The following PDSS2 variants were observed in gnomAD, a reference collection of about 807,000 sequenced individuals.
The protein encoded by PDSS2 is decaprenyl diphosphate synthase subunit 2, also known as all trans-polyprenyl-diphosphate synthase PDSS2.
PDSS2 carries 31 observed loss-of-function variants against 44.5 expected under a neutral mutation model. The observed-to-expected ratio is 0.70, with a 90% CI of 0.52 to 0.94. PDSS2 has a LOEUF of 0.94. Among genes scored for constraint, PDSS2 ranks in the 40% least tolerant of loss-of-function variants. PDSS2 has a pLI of 0.00. For missense variants in PDSS2, 452 were observed against 482.2 expected (o/e 0.94, Z 0.59); for synonymous variants, 157 against 180.3 (o/e 0.87, Z 1.03).
chr6:107,215,260 C>T (rs1773373083), intron 4 of PDSS2, among the ~76,000 whole-genome samples: 1 of 152,096 alleles, frequency 6.6e-6, no homozygotes, highest in African/African-American at 2.4e-5. Flanking sequence ...GGTGCAGTGG[C>T]TCACACCTGT....
intron 1 of PDSS2, among the ~76,000 whole-genome samples, chr6:107,353,216 A>G (rs1323158640): frequency 6.6e-6 from 1 of 152,202 alleles, no homozygotes; most frequent in Non-Finnish European, 1.5e-5. Flanking sequence ...TTGAATGTCT[A>G]TACAGACACC....
intron 1 of PDSS2, among the ~76,000 whole-genome samples, chr6:107,453,265 G>A (rs371484250): frequency 9.9e-5 from 15 of 151,950 alleles, no homozygotes; most frequent in East Asian, 9.7e-4. Context: ...GCACCCGGCC[G>A]TGATATTATC....
chr6:107,323,444 G>T (rs1209405921), intron 2 of PDSS2, among the ~76,000 whole-genome samples: 1 of 152,116 alleles, frequency 6.6e-6, no homozygotes, highest in African/African-American at 2.4e-5. Context: ...TAAGCTCCTG[G>T]TTTGAAGCCC....
At position 107,454,341 on chromosome 6, in the gene PDSS2, C is replaced by A. The variant is rs201177518; in HGVS notation, c.296+4649G>T. ...GGGATTGCAGGTGTGAACCACCACA[C>A]CTGGTCTAGACTTCTTTATATCACT... On this transcript the variant is annotated intron_variant, in intron 1 of 7. Transcript: ENST00000369037. Among the ~76,000 whole-genome samples, 26 of 151,990 alleles carry A rather than the reference C, an allele frequency of 1.7e-4. No individual in the cohort carries two copies. The East Asian group carries it at 4.7e-3, about 27-fold the overall frequency.
At chr6:107,457,343 T>C (rs1323863645) in intron 1 of PDSS2, among the ~76,000 whole-genome samples, 1 of 152,238 alleles carries the variant, frequency 6.6e-6, no homozygotes, top group East Asian at 1.9e-4. Flanking sequence ...GTTAGGTGTA[T>C]ATTAGATTTG....
intron 1 of PDSS2, among the ~76,000 whole-genome samples, chr6:107,405,945 G>A (rs1224636110): frequency 6.6e-6 from 1 of 151,968 alleles, no homozygotes; most frequent in East Asian, 1.9e-4. Context: ...CTAGAAATGG[G>A]TACAATGTAA....
At chr6:107,402,269 A>G (rs1370733618) in intron 1 of PDSS2, among the ~76,000 whole-genome samples, 1 of 150,104 alleles carries the variant, frequency 6.7e-6, no homozygotes, top group Non-Finnish European at 1.5e-5. Flanking sequence ...ACAGAGCAAG[A>G]CTCAGTCTCA....
At chr6:107,244,324 A>T (rs1774537917) in intron 4 of PDSS2, among the ~76,000 whole-genome samples, 1 of 152,240 alleles carries the variant, frequency 6.6e-6, no homozygotes, top group Non-Finnish European at 1.5e-5. Context: ...AACACAGGCA[A>T]ATCACTTACT....
intron 2 of PDSS2, among the ~76,000 whole-genome samples, chr6:107,299,041 T>C (rs897138856): frequency 2.8e-5 from 4 of 143,732 alleles, no homozygotes; most frequent in African/African-American, 7.7e-5. Context: ...TTAATACTTA[T>C]GGGGCTGAGG....
At chr6:107,266,878 G>A (rs1775427599) in intron 3 of PDSS2, among the ~76,000 whole-genome samples, 2 of 152,060 alleles carry the variant, frequency 1.3e-5, no homozygotes, top group Non-Finnish European at 2.9e-5. Context: ...TGATTTTGAT[G>A]GGAGTAAAGC....
intron 1 of PDSS2, among the ~76,000 whole-genome samples, chr6:107,396,647 T>A (rs1187134813): frequency 2.0e-5 from 3 of 151,742 alleles, no homozygotes; most frequent in African/African-American, 7.3e-5. Flanking sequence ...CCACAGAGGA[T>A]TTGCCCTTTC....
At chr6:107,363,905 G>A (rs1778869539) in intron 1 of PDSS2, among the ~76,000 whole-genome samples, 1 of 152,106 alleles carries the variant, frequency 6.6e-6, no homozygotes, top group African/African-American at 2.4e-5. Context: ...GTGTCGATTG[G>A]TGCACTCACA....
At chr6:107,239,839 A>G (rs1774358810) in intron 4 of PDSS2, among the ~76,000 whole-genome samples, 1 of 151,808 alleles carries the variant, frequency 6.6e-6, no homozygotes, top group Non-Finnish European at 1.5e-5. Context: ...ACACGGTTTC[A>G]CCATGTTGGC....
chr6:107,424,342 T>C (rs758069264), intron 1 of PDSS2, among the ~76,000 whole-genome samples: 49 of 152,232 alleles, frequency 3.2e-4, no homozygotes, highest in South Asian at 8.3e-4. Context: ...GCCACCACAC[T>C]GGACCTTGTA....
intron 1 of PDSS2, among the ~76,000 whole-genome samples, chr6:107,368,266 CA>C (rs57434839): frequency 0.086 from 5,832 of 67,422 alleles, 243 homozygotes; most frequent in East Asian, 0.24. Flanking sequence ...AGACTCGTCT[CA>C]AAAAAAAAAA....
chr6:107,444,875 A>G (rs1171219449), intron 1 of PDSS2, among the ~76,000 whole-genome samples: 1 of 152,242 alleles, frequency 6.6e-6, no homozygotes, highest in Non-Finnish European at 1.5e-5. Context: ...CAATAGCTGC[A>G]TACTAAATTA....
Position 107,315,748 on chromosome 6 carries a change from T to C in PDSS2, c.431+18450A>G, listed in dbSNP as rs557101525. Reference sequence around the variant, plus strand: ...ATACAGCTTGCCAAGGGAGCCCAGATGAAGAGGACCTAATTGAAATCTTGA... The same window carrying C: ...ATACAGCTTGCCAAGGGAGCCCAGACGAAGAGGACCTAATTGAAATCTTGA... On this transcript the variant is annotated intron_variant, in intron 2 of 7. Transcript: ENST00000369037. Among the ~76,000 whole-genome samples, 45 of 152,272 alleles carry C rather than the reference T, an allele frequency of 3.0e-4. No individual in the cohort carries two copies. In the East Asian group the frequency reaches 7.3e-3, roughly 25 times the overall value.
intron 1 of PDSS2, among the ~76,000 whole-genome samples, chr6:107,457,233 A>G (rs925123221): frequency 6.6e-6 from 1 of 152,208 alleles, no homozygotes; most frequent in African/African-American, 2.4e-5. Context: ...GAATCCTTAT[A>G]GTGCTGAATA....
chr6:107,350,488 AAGTTT>A (rs1461792062), intron 1 of PDSS2, among the ~76,000 whole-genome samples: 1 of 152,220 alleles, frequency 6.6e-6, no homozygotes, highest in Non-Finnish European at 1.5e-5. Context: ...AGAACTTATG[AAGTTT>A]AGCTGATAAG....
Sources: gnomAD v4.1 joint callset for allele counts (sites outside exome capture counted in the v4.1 genomes callset) on GRCh38, gnomAD v4.1.1 for gene constraint, MANE v1.5 for transcripts, NCBI Gene and HGNC (gene_info 2026-07-23, HGNC 2026-07-21) for gene names.